CLEC16A: variants seen among roughly 807,000 people sequenced by gnomAD.
CLEC16A encodes C-type lectin domain containing 16A.
Under a neutral mutation model 109.5 loss-of-function variants are expected in CLEC16A, and 51 were observed. The ratio of observed to expected loss-of-function variants is 0.47; its 90% confidence interval spans 0.37 to 0.59. The LOEUF (loss-of-function observed/expected upper bound fraction) is 0.59. Ranked by LOEUF, CLEC16A falls within the 20% of genes least tolerant of loss-of-function variation. The probability of loss-of-function intolerance (pLI) is 0.00; values close to 1 mark genes in which losing one functional copy is unlikely to be tolerated. For synonymous variants in CLEC16A, 673 were observed against 564.2 expected (o/e 1.19, Z -2.73); for missense variants, 1,339 against 1,394.0 (o/e 0.96, Z 0.63).
intron 17 of CLEC16A, among the ~76,000 whole-genome samples, chr16:11,049,460 G>A (rs1224603550): frequency 1.3e-5 from 2 of 150,314 alleles, no homozygotes; most frequent in Non-Finnish European, 2.9e-5. Flanking sequence ...CTCCCACCAT[G>A]GGGAGCTTCC....
chr16:11,072,964 G>A (rs530176614), intron 19 of CLEC16A, among the ~76,000 whole-genome samples: 1 of 152,170 alleles, frequency 6.6e-6, no homozygotes, highest in Non-Finnish European at 1.5e-5. Flanking sequence ...AGTGGGTGCC[G>A]TCTGATTGAA....
chr16:11,155,598 C>T (rs1248616989), intron 22 of CLEC16A, among the ~76,000 whole-genome samples: 1 of 152,264 alleles, frequency 6.6e-6, no homozygotes, highest in East Asian at 1.9e-4. Flanking sequence ...CCATCACGGC[C>T]TTTCTGTGGC....
intron 19 of CLEC16A, among the ~76,000 whole-genome samples, chr16:11,064,230 G>C (rs1207411327): frequency 2.6e-5 from 4 of 152,232 alleles, no homozygotes; most frequent in African/African-American, 9.6e-5. Context: ...TAACAGAGAA[G>C]GACTTTGTAT....
chr16:11,003,223 C>A lies in CLEC16A; in HGVS notation c.1221C>A (p.Thr407=). 1 of 1,613,314 alleles carries A rather than the reference C, an allele frequency of 6.2e-7. No individual in the cohort carries two copies. The highest frequency in any genetic ancestry group is 8.5e-7 in the Non-Finnish European group (1 of 1,179,830). The change falls in exon 11 of 24, where the codon ACC becomes ACA. Residue 407 remains threonine, a synonymous_variant. Coordinates refer to ENST00000409790, the MANE Select transcript of CLEC16A (RefSeq NM_015226.3). ...AAGAAGATGAGGAGAAAGGGCCCACCGAGGATGCCCAAGAAGACGCCGAGA... is the reference window on the plus strand; with the variant it reads ...AAGAAGATGAGGAGAAAGGGCCCACAGAGGATGCCCAAGAAGACGCCGAGA... The part of the protein sequence containing the change: ...GEEEDEEKGP[T]EDAQEDAEKA...
intron 4 of CLEC16A, among the ~76,000 whole-genome samples, chr16:10,969,780 G>A (rs546317539): frequency 1.3e-3 from 204 of 152,270 alleles, no homozygotes; most frequent in Non-Finnish European, 2.0e-3. Context: ...GTCAGGGCTG[G>A]TTTTGTCACT....
intron 22 of CLEC16A, chr16:11,150,237 TTTAGG>T: frequency 6.6e-6 from 1 of 152,102 alleles, no homozygotes; most frequent in African/African-American, 2.4e-5. Context: ...GCCACAGAGG[TTTAGG>T]ATAAGGAGTT....
intron 15 of CLEC16A, among the ~76,000 whole-genome samples, chr16:11,043,078 A>C (rs1239300742): frequency 7.6e-6 from 1 of 131,428 alleles, no homozygotes; most frequent in Admixed American, 7.0e-5. Context: ...GTGTATATAT[A>C]TACACACACA....
chr16:11,007,120 ACTC>A (rs2045071724), intron 11 of CLEC16A, among the ~76,000 whole-genome samples: 1 of 152,116 alleles, frequency 6.6e-6, no homozygotes, highest in Admixed American at 6.5e-5. Flanking sequence ...AATCCTTCAA[ACTC>A]CTCATGTAAA....
At chr16:11,046,423 C>G (rs1350476775) in intron 16 of CLEC16A, among the ~76,000 whole-genome samples, 1 of 152,050 alleles carries the variant, frequency 6.6e-6, no homozygotes, top group Admixed American at 6.6e-5. Context: ...GTTCTGACAA[C>G]TGAAAAAACC....
intron 11 of CLEC16A, among the ~76,000 whole-genome samples, chr16:11,004,305 G>A (rs80295744): frequency 9.3e-4 from 142 of 152,262 alleles, no homozygotes; most frequent in Non-Finnish European, 1.0e-3. Context: ...TCTGCCCGTC[G>A]TCCTGGGCAC....
At chr16:11,105,736 G>A (rs1403475134) in intron 19 of CLEC16A, among the ~76,000 whole-genome samples, 1 of 152,180 alleles carries the variant, frequency 6.6e-6, no homozygotes, top group Non-Finnish European at 1.5e-5. Flanking sequence ...CCTGAAAATG[G>A]CACTTTCAGT....
intron 19 of CLEC16A, among the ~76,000 whole-genome samples, chr16:11,072,181 G>A (rs1432149040): frequency 1.3e-5 from 2 of 152,092 alleles, no homozygotes; most frequent in African/African-American, 2.4e-5. Flanking sequence ...GAGTGCAGTG[G>A]CACAGTCTTG....
At chr16:11,032,904 C>T (rs1352772658) in intron 13 of CLEC16A, among the ~76,000 whole-genome samples, 1 of 152,054 alleles carries the variant, frequency 6.6e-6, no homozygotes, top group Non-Finnish European at 1.5e-5. Flanking sequence ...AAACCCCTAC[C>T]GAATTTTTAA....
intron 13 of CLEC16A, among the ~76,000 whole-genome samples, chr16:11,031,436 T>C (rs17804800): frequency 0.034 from 5,176 of 152,300 alleles, 135 homozygotes; most frequent in Non-Finnish European, 0.051. Context: ...TCATCCATCT[T>C]ATGCGCTGGA....
At chr16:11,037,019 C>T (rs576565639) in intron 13 of CLEC16A, among the ~76,000 whole-genome samples, 6 of 152,228 alleles carry the variant, frequency 3.9e-5, no homozygotes, top group South Asian at 2.1e-4. Flanking sequence ...TCGATCCTGA[C>T]AGCAGTCGTG....
intron 1 of CLEC16A, among the ~76,000 whole-genome samples, chr16:10,955,262 T>C (rs7192171): frequency 0.14 from 20,607 of 152,208 alleles, 1,364 homozygotes; most frequent in African/African-American, 0.15. Context: ...CTAAGTTATG[T>C]TTACAAAGAC....
intron 22 of CLEC16A, among the ~76,000 whole-genome samples, chr16:11,154,626 C>G (rs929253975): frequency 2.6e-5 from 4 of 152,124 alleles, no homozygotes; most frequent in Admixed American, 6.5e-5. Context: ...AAGACACTTA[C>G]GAAAATGAAA....
chr16:11,171,157 C>T (rs574573971), intron 23 of CLEC16A, among the ~76,000 whole-genome samples: 40 of 152,314 alleles, frequency 2.6e-4, no homozygotes, highest in South Asian at 1.2e-3. Context: ...CCATCAGGGC[C>T]GCGGCCTATA....
chr16:10,985,297 T>G (rs950850284), intron 10 of CLEC16A, among the ~76,000 whole-genome samples: 1 of 151,378 alleles, frequency 6.6e-6, no homozygotes, highest in Non-Finnish European at 1.5e-5. Flanking sequence ...GGTTTGGTCT[T>G]TGCAGTATTT....
Sources: allele counts gnomAD v4.1 joint callset (sites outside exome capture counted in the v4.1 genomes callset), GRCh38; gene constraint gnomAD v4.1.1; transcripts MANE v1.5; gene names NCBI Gene and HGNC (gene_info 2026-07-23, HGNC 2026-07-21).